The following MED13L variants were observed in gnomAD, a reference collection of about 807,000 sequenced individuals.
The protein encoded by MED13L is mediator complex subunit 13L.
A neutral mutation model predicts 220.9 loss-of-function variants in MED13L; 7 were observed. That is an observed-to-expected ratio of 0.03 (90% confidence interval 0.02 to 0.06). The LOEUF is 0.06. MED13L is among the 10% of genes least tolerant of loss of function. The pLI, the probability that MED13L is intolerant of heterozygous loss-of-function variation, is 1.00. For missense variants in MED13L, 1,965 were observed against 2,760.5 expected, an observed-to-expected ratio of 0.71 and a Z score of 6.46; for synonymous variants, 1,011 against 1,015.2, an observed-to-expected ratio of 1.00 and a Z score of 0.08.
chr12:115,994,563 G>A (rs1878277262), intron 16 of MED13L, among the ~76,000 whole-genome samples: 1 of 152,198 alleles, frequency 6.6e-6, no homozygotes, highest in South Asian at 2.1e-4. Context: ...GCAAATGAAA[G>A]ATGTAATAGA....
At chr12:116,040,785 T>G (rs1473098139) in intron 4 of MED13L, among the ~76,000 whole-genome samples, 1 of 148,130 alleles carries the variant, frequency 6.8e-6, no homozygotes, top group East Asian at 2.0e-4. Context: ...TGTATATGTT[T>G]AGGAGTCCTC....
At chr12:115,975,759 A>G in intron 23 of MED13L, 21 bp from the exon 24 acceptor site, 1 of 1,602,934 alleles carries the variant, frequency 6.2e-7, no homozygotes, top group African/African-American at 1.3e-5. Context: ...AACCAAAATC[A>G]ATATCAGTAC....
chr12:116,275,541 C>A (rs1873748439), intron 1 of MED13L, among the ~76,000 whole-genome samples: 1 of 152,006 alleles, frequency 6.6e-6, no homozygotes, highest in Admixed American at 6.6e-5. Flanking sequence ...GAAAAGTTGG[C>A]GAGAATTTGC....
chr12:116,090,261 T>A (rs1336432884), intron 4 of MED13L, among the ~76,000 whole-genome samples: 1 of 152,182 alleles, frequency 6.6e-6, no homozygotes. Context: ...ACCTCTGTAA[T>A]AAAAAACTGA....
intron 4 of MED13L, among the ~76,000 whole-genome samples, chr12:116,041,586 T>G (rs1881531105): frequency 6.6e-6 from 1 of 152,230 alleles, no homozygotes; most frequent in Non-Finnish European, 1.5e-5. Context: ...GGCTCATGCC[T>G]GCAATCCCAG....
intron 1 of MED13L, among the ~76,000 whole-genome samples, chr12:116,270,157 T>G (rs536154339): frequency 6.6e-6 from 1 of 152,182 alleles, no homozygotes; most frequent in South Asian, 2.1e-4. Flanking sequence ...TTTTTTTTTT[T>G]TTTGAGACAG....
At chr12:116,260,747 C>A (rs1004947907) in intron 1 of MED13L, among the ~76,000 whole-genome samples, 1 of 152,144 alleles carries the variant, frequency 6.6e-6, no homozygotes, top group African/African-American at 2.4e-5. Context: ...TCCACAAAGG[C>A]ATGAAGGAAA....
At chr12:115,968,783 A>C (rs958146586) in intron 28 of MED13L, among the ~76,000 whole-genome samples, 157 bp downstream of exon 28, 9 of 152,234 alleles carry the variant, frequency 5.9e-5, no homozygotes, top group African/African-American at 1.9e-4. Context: ...TCTATTCAAA[A>C]TGGAACCATA....
chr12:116,185,288 AT>A (rs1236365627), intron 2 of MED13L, among the ~76,000 whole-genome samples: 2 of 152,198 alleles, frequency 1.3e-5, no homozygotes, highest in African/African-American at 4.8e-5. Context: ...ATTTTTAAAA[AT>A]ATATACTAAT....
chr12:116,151,817 A>C (rs1878062420), intron 2 of MED13L, among the ~76,000 whole-genome samples: 1 of 152,244 alleles, frequency 6.6e-6, no homozygotes, highest in Non-Finnish European at 1.5e-5. Flanking sequence ...TTTTAGAAAT[A>C]CATTTCCTAA....
At chr12:116,263,231 C>T (rs922811166) in intron 1 of MED13L, among the ~76,000 whole-genome samples, 7 of 151,770 alleles carry the variant, frequency 4.6e-5, no homozygotes, top group Non-Finnish European at 5.9e-5. Flanking sequence ...TACATCACAA[C>T]GCTTTCTGAC....
chr12:116,093,181 G>A (rs1223323065), intron 4 of MED13L, among the ~76,000 whole-genome samples: 1 of 152,060 alleles, frequency 6.6e-6, no homozygotes, highest in Non-Finnish European at 1.5e-5. Context: ...TATTCTGAAT[G>A]CAAAAGCTTT....
intron 1 of MED13L, among the ~76,000 whole-genome samples, chr12:116,257,159 G>C (rs1414046762): frequency 6.6e-6 from 1 of 152,152 alleles, no homozygotes; most frequent in Non-Finnish European, 1.5e-5. Context: ...TGAAATTTCT[G>C]GGAATTGAAC....
At chr12:116,038,744 C>CAAAAAAAAAAAAAAAAAAAAAAAAA (rs63703461) in intron 4 of MED13L, among the ~76,000 whole-genome samples, 5 of 75,262 alleles carry the variant, frequency 6.6e-5, no homozygotes, top group East Asian at 5.8e-4. Context: ...GTCAAAAGGC[C>CAAAAAAAAAAAAAAAAAAAAAAAAA]AAAAAAAAAA....
intron 23 of MED13L, among the ~76,000 whole-genome samples, chr12:115,979,390 T>C (rs1461682429): frequency 2.0e-5 from 3 of 152,228 alleles, no homozygotes; most frequent in Non-Finnish European, 2.9e-5. Context: ...CATTTATTTT[T>C]GAAATTCTAG....
At chr12:116,082,411 G>A (rs1871299327) in intron 4 of MED13L, among the ~76,000 whole-genome samples, 2 of 152,156 alleles carry the variant, frequency 1.3e-5, no homozygotes, top group African/African-American at 4.8e-5. Flanking sequence ...AAGTGTTGGT[G>A]GTTTGTAAGG....
intron 1 of MED13L, among the ~76,000 whole-genome samples, chr12:116,260,783 C>G (rs1872457423): frequency 6.6e-6 from 1 of 152,176 alleles, no homozygotes; most frequent in African/African-American, 2.4e-5. Context: ...ATTTCACCCT[C>G]TTACCAAAAA....
intron 2 of MED13L, among the ~76,000 whole-genome samples, chr12:116,183,747 G>GA (rs142445450): frequency 1.8e-4 from 27 of 151,586 alleles, no homozygotes; most frequent in Non-Finnish European, 2.8e-4. Context: ...GGCAAGCAGG[G>GA]AAAAAATCAA....
chr12:116,239,389 A>G (rs942423495), intron 1 of MED13L, among the ~76,000 whole-genome samples: 7 of 152,230 alleles, frequency 4.6e-5, no homozygotes, highest in Non-Finnish European at 8.8e-5. Context: ...TAATCACATT[A>G]TAATAATCAC....
Sources: gnomAD v4.1 joint callset for allele counts (sites outside exome capture counted in the v4.1 genomes callset) on GRCh38, gnomAD v4.1.1 for gene constraint, MANE v1.5 for transcripts, NCBI Gene and HGNC (gene_info 2026-07-23, HGNC 2026-07-21) for gene names.